The following CSMD2 variants were observed in gnomAD, a reference collection of about 807,000 sequenced individuals.
The protein encoded by CSMD2 is CUB and Sushi multiple domains 2.
A neutral mutation model predicts 398.5 loss-of-function variants in CSMD2; 130 were observed. The ratio of observed to expected loss-of-function variants is 0.33; its 90% CI spans 0.28 to 0.38. CSMD2 has a LOEUF of 0.38. CSMD2 is among the 10% of genes least tolerant of loss of function. The pLI, the probability that CSMD2 is intolerant of heterozygous loss-of-function variation, is 1.00. For missense variants in CSMD2, 3,829 were observed against 4,764.9 expected (o/e 0.80, Z 5.78); for synonymous variants, 1,828 against 1,908.5 (o/e 0.96, Z 1.10).
At chr1:33,833,650 A>T (rs7365064) in intron 6 of CSMD2, among the ~76,000 whole-genome samples, 115,165 of 147,382 alleles carry the variant, frequency 0.78, 45,803 homozygotes, top group East Asian at 0.93. Context: ...AGTTCTGGCC[A>T]GGGCAATCAG....
chr1:33,978,239 C>T (rs1388139530), intron 3 of CSMD2, among the ~76,000 whole-genome samples: 1 of 152,194 alleles, frequency 6.6e-6, no homozygotes, highest in African/African-American at 2.4e-5. Flanking sequence ...CCACATTGAG[C>T]ATCTCATTAT....
intron 64 of CSMD2, among the ~76,000 whole-genome samples, chr1:33,530,084 CA>C (rs1171249368): frequency 1.3e-5 from 2 of 152,096 alleles, no homozygotes; most frequent in African/African-American, 4.8e-5. Context: ...CAAAAGTAGA[CA>C]AATGAGATTA....
At chr1:34,108,085 C>T (rs948291235) in intron 1 of CSMD2, among the ~76,000 whole-genome samples, 21 of 152,170 alleles carry the variant, frequency 1.4e-4, no homozygotes, top group African/African-American at 2.2e-4. Flanking sequence ...TGCTTGTCAA[C>T]GGTGTCTTTC....
chr1:33,757,371 T>C (rs991668870), intron 13 of CSMD2, among the ~76,000 whole-genome samples: 2 of 152,304 alleles, frequency 1.3e-5, no homozygotes, highest in South Asian at 2.1e-4. Context: ...ATGTCCACAA[T>C]TGAACTTTTT....
Position 33,636,248 on chromosome 1 carries a change from G to C in CSMD2, c.4969+112C>G. 9.5e-7 allele frequency: 1 copy of C among 1,056,178 alleles called. No homozygotes were observed. Among genetic ancestry groups the C allele is most frequent in the South Asian group, 1.6e-5 (1 of 61,162 alleles). 65.4% of individuals were successfully genotyped at this position (1,056,178 alleles called of 1,614,324 possible). ...GGCAAACCCAGGTTTGCCAGGCTTG[G>C]AGGAGCCGGGCTTGAGGACCTTGCC... On this transcript the variant is annotated intron_variant, in intron 30 of 70. Transcript: ENST00000373381. The surrounding 1 kb of genome is among the most constrained non-coding windows in gnomAD (Gnocchi z 4.8).
chr1:33,908,473 T>C (rs1024398120), intron 5 of CSMD2, among the ~76,000 whole-genome samples: 3 of 152,276 alleles, frequency 2.0e-5, no homozygotes, highest in Admixed American at 2.0e-4. Context: ...TTCACAGTCC[T>C]GGCACAGGCC....
chr1:33,956,918 C>T (rs1000042171), intron 3 of CSMD2, among the ~76,000 whole-genome samples: 12 of 152,096 alleles, frequency 7.9e-5, no homozygotes, highest in African/African-American at 2.7e-4. Flanking sequence ...TGTCCTGGAC[C>T]TGCAGAGTCT....
intron 1 of CSMD2, among the ~76,000 whole-genome samples, chr1:34,128,162 C>T (rs1662940998): frequency 6.6e-6 from 1 of 152,094 alleles, no homozygotes; most frequent in Admixed American, 6.5e-5. Context: ...GGACTCTGAG[C>T]TCAATCTGGA....
At chr1:33,985,041 G>A (rs920386627) in intron 3 of CSMD2, among the ~76,000 whole-genome samples, 2 of 152,176 alleles carry the variant, frequency 1.3e-5, no homozygotes, top group East Asian at 1.9e-4. Flanking sequence ...GACGTGTGGC[G>A]TTAACGGTTC....
intron 49 of CSMD2, among the ~76,000 whole-genome samples, chr1:33,573,256 C>T (rs1350322889): frequency 6.6e-6 from 1 of 152,132 alleles, no homozygotes; most frequent in Non-Finnish European, 1.5e-5. Context: ...CAAACGTAAT[C>T]CACATCTCAT....
At chr1:33,837,713 T>C (rs1006829412) in intron 6 of CSMD2, among the ~76,000 whole-genome samples, 3 of 152,208 alleles carry the variant, frequency 2.0e-5, no homozygotes, top group African/African-American at 7.2e-5. Context: ...ACATCATACA[T>C]ATATTCTGTG....
chr1:33,981,830 G>C (rs1310792807), intron 3 of CSMD2, among the ~76,000 whole-genome samples: 1 of 152,228 alleles, frequency 6.6e-6, no homozygotes, highest in Non-Finnish European at 1.5e-5. Flanking sequence ...TGGGCACAGT[G>C]AGGTTCTGCT....
At chr1:33,900,787 A>G (rs1300584232) in intron 5 of CSMD2, among the ~76,000 whole-genome samples, 1 of 152,242 alleles carries the variant, frequency 6.6e-6, no homozygotes. Context: ...TCTCAAAAAA[A>G]AAAAAAAGAG....
At chr1:33,659,415 T>C (rs1419920865) in intron 26 of CSMD2, among the ~76,000 whole-genome samples, 4 of 152,220 alleles carry the variant, frequency 2.6e-5, no homozygotes, top group African/African-American at 9.6e-5. Flanking sequence ...TCATCCCTCA[T>C]AGCCTGTGCT....
chr1:33,961,676 T>C (rs1432513220), intron 3 of CSMD2, among the ~76,000 whole-genome samples: 1 of 152,146 alleles, frequency 6.6e-6, no homozygotes, highest in Non-Finnish European at 1.5e-5. Context: ...GTCCTGGCAG[T>C]AATGAGTGAG....
At chr1:34,052,687 C>T (rs1215576941) in intron 2 of CSMD2, among the ~76,000 whole-genome samples, 1 of 152,062 alleles carries the variant, frequency 6.6e-6, no homozygotes, top group Non-Finnish European at 1.5e-5. Context: ...CCATTTAGAA[C>T]AAGAAGGACT....
intron 32 of CSMD2, among the ~76,000 whole-genome samples, chr1:33,629,648 T>C (rs146992939): frequency 1.3e-5 from 2 of 152,064 alleles, no homozygotes; most frequent in Non-Finnish European, 2.9e-5. Context: ...GACAGGGACA[T>C]AGTGCACTCC....
chr1:34,027,148 T>G (rs548686011), intron 3 of CSMD2, among the ~76,000 whole-genome samples: 1 of 152,174 alleles, frequency 6.6e-6, no homozygotes, highest in South Asian at 2.1e-4. Flanking sequence ...TACATTAATA[T>G]CCTTAATATG....
intron 1 of CSMD2, among the ~76,000 whole-genome samples, chr1:34,153,407 A>C (rs1640510834): frequency 6.6e-6 from 1 of 152,222 alleles, no homozygotes; most frequent in Non-Finnish European, 1.5e-5. Context: ...TAAAGCTGAA[A>C]GATTATCATA....
Sources: allele counts gnomAD v4.1 joint callset (sites outside exome capture counted in the v4.1 genomes callset), GRCh38; gene constraint gnomAD v4.1.1; non-coding constraint Gnocchi (gnomAD v3.1); transcripts MANE v1.5; gene names NCBI Gene and HGNC (gene_info 2026-07-23, HGNC 2026-07-21).